The following SDHA variants were observed in gnomAD, a reference collection of about 807,000 sequenced individuals.
SDHA encodes succinate dehydrogenase complex flavoprotein subunit A.
In SDHA, 48 loss-of-function variants were observed where a neutral mutation model predicts 78.4. That is an observed-to-expected ratio of 0.61 (90% CI 0.49 to 0.78). The LOEUF (loss-of-function observed/expected upper bound fraction) is 0.78. SDHA is among the 30% of genes least tolerant of loss of function. The probability of loss-of-function intolerance (pLI) is 0.00; values close to 1 mark genes in which losing one functional copy is unlikely to be tolerated. For synonymous variants in SDHA, 326 were observed against 353.9 expected (o/e 0.92, Z 0.88); for missense variants, 680 against 892.7 (o/e 0.76, Z 3.04).
chr5:230,713 C>T (rs10074958), intron 6 of SDHA, among the ~76,000 whole-genome samples, 163 bp from the exon 7 acceptor site: 36,457 of 152,040 alleles, frequency 0.24, 6,790 homozygotes, highest in African/African-American at 0.52. Flanking sequence ...ACCAGTGGCG[C>T]GGCCCCTAGT....
chr5:244,563 C>T (rs1465466029), intron 11 of SDHA, among the ~76,000 whole-genome samples: 3 of 152,144 alleles, frequency 2.0e-5, no homozygotes, highest in African/African-American at 7.2e-5. Flanking sequence ...TACTGATAAA[C>T]GTCCTACCTG....
intron 11 of SDHA, among the ~76,000 whole-genome samples, chr5:244,758 A>G (rs750649105): frequency 9.9e-5 from 15 of 152,216 alleles, no homozygotes; most frequent in South Asian, 2.1e-4. Context: ...GAAGGGCCCA[A>G]TGGACAACCT....
the SDHA span, among the ~76,000 whole-genome samples, chr5:267,193 C>T: frequency 1.3e-5 from 2 of 152,214 alleles, no homozygotes; most frequent in Non-Finnish European, 2.9e-5. Flanking sequence ...GTCTTCCTTA[C>T]TGAATTCTAG....
intron 10 of SDHA, among the ~76,000 whole-genome samples, chr5:236,825 T>A (rs567698319): frequency 5.3e-5 from 8 of 151,504 alleles, no homozygotes; most frequent in Middle Eastern, 3.4e-3. Context: ...TTTAAAAAAA[T>A]TTATTTTGTA....
chr5:225,694 T>G (rs1437931490), intron 4 of SDHA, 132 bp downstream of exon 4: 15 of 1,402,446 alleles, frequency 1.1e-5, no homozygotes, highest in Non-Finnish European at 3.0e-6. Flanking sequence ...ACAAGAAGAG[T>G]CTTTTTCCGT....
chr5:251,603 T>C (rs1021426670), intron 13 of SDHA, 135 bp downstream of exon 13: 1 of 1,545,308 alleles, frequency 6.5e-7, no homozygotes. Flanking sequence ...TTTTCCCCCC[T>C]GGTAACTTTG....
At chr5:245,764 A>T (rs1736402962) in intron 11 of SDHA, among the ~76,000 whole-genome samples, 1 of 152,206 alleles carries the variant, frequency 6.6e-6, no homozygotes. Context: ...ATTAAATGAG[A>T]CTTTCAAAAA....
intron 10 of SDHA, among the ~76,000 whole-genome samples, chr5:239,224 T>TAAA (rs112333017): frequency 5.3e-5 from 8 of 151,182 alleles, no homozygotes; most frequent in Non-Finnish European, 1.0e-4. Context: ...TATAACGTTA[T>TAAA]AAAAAAAACT....
intron 7 of SDHA, among the ~76,000 whole-genome samples, chr5:231,504 G>C (rs1260145132): frequency 6.7e-6 from 1 of 150,362 alleles, no homozygotes; most frequent in Non-Finnish European, 1.5e-5. Context: ...AGGTTGCAGT[G>C]AGCCGAGATC....
chr5:263,310 G>A, the SDHA span, among the ~76,000 whole-genome samples: 1 of 151,980 alleles, frequency 6.6e-6, no homozygotes, highest in Non-Finnish European at 1.5e-5. Flanking sequence ...TTTTGGCAGT[G>A]CACAGCCAGA....
chr5:263,469 A>G, the SDHA span, among the ~76,000 whole-genome samples: 969 of 152,294 alleles, frequency 6.4e-3, 13 homozygotes, highest in African/African-American at 0.023. Flanking sequence ...AAAAGTGCAT[A>G]CTGTGTACAG....
chr5:232,369 C>A (rs1735461331), intron 7 of SDHA, among the ~76,000 whole-genome samples: 1 of 152,102 alleles, frequency 6.6e-6, no homozygotes, highest in Admixed American at 6.6e-5. Flanking sequence ...TGTTACCATG[C>A]CCAGCTAATT....
chr5:218,793 C>A (rs1341961422), intron 1 of SDHA, among the ~76,000 whole-genome samples: 1 of 152,198 alleles, frequency 6.6e-6, no homozygotes, highest in Non-Finnish European at 1.5e-5. Flanking sequence ...CAAGGTCACC[C>A]GGGCGGATAG....
intron 4 of SDHA, 87 bp from the exon 5 acceptor site, chr5:225,796 G>T (rs1280343884): frequency 7.8e-6 from 12 of 1,545,728 alleles, no homozygotes; most frequent in Non-Finnish European, 9.8e-6. Context: ...TTGCAGATTT[G>T]TGTTAAACTT....
At chr5:265,134 AG>A in the SDHA span, among the ~76,000 whole-genome samples, 1 of 152,180 alleles carries the variant, frequency 6.6e-6, no homozygotes, top group Non-Finnish European at 1.5e-5. Flanking sequence ...TTGAACCAGG[AG>A]GCGGAGGTTG....
chr5:225,293 C>T, intron 3 of SDHA, 126 bp from the exon 4 acceptor site: 1 of 1,223,122 alleles, frequency 8.2e-7, no homozygotes. Context: ...CTGAGGTCAG[C>T]CCTCACTGGG....
chr5:240,301 C>T, intron 10 of SDHA, 57 bp from the exon 11 acceptor site: 19 of 1,066,428 alleles, frequency 1.8e-5, no homozygotes, highest in Middle Eastern at 2.6e-4. Context: ...ATTCTAAATC[C>T]ATTTGGTTTT....
chr5:228,297 A>G lies in SDHA; in HGVS notation c.734A>G (p.His245Arg), dbSNP rs1579391515. Reference protein sequence around the residue: ...IALCIEDGSIHRIRAKNTVVA... With the variant: ...IALCIEDGSIRRIRAKNTVVA... The stretch of plus-strand genomic sequence containing the variant: ...CTGTGCATAGAGGACGGGTCCATCC[A>G]TCGCATAAGAGCAAAGAACACTGTT... Residue 245 changes from histidine to arginine, a missense_variant, in exon 6 of 15, where the codon CAT (histidine) becomes CGT (arginine). His to Arg is a conservative substitution (Grantham distance 29). Coordinates refer to ENST00000264932, the MANE Select transcript of SDHA (RefSeq NM_004168.4). The G allele has an allele frequency of 1.2e-6, 2 of 1,614,028 alleles. No individual in the cohort carries two copies. The highest frequency in any genetic ancestry group is 1.7e-6 in the Non-Finnish European group (2 of 1,179,882).
intron 2 of SDHA, 114 bp from the exon 3 acceptor site, chr5:224,246 C>G: frequency 8.8e-7 from 1 of 1,138,294 alleles, no homozygotes; most frequent in East Asian, 2.3e-5. Context: ...GATGGAGGCC[C>G]TGTGTGCCCA....
Sources: allele counts gnomAD v4.1 joint callset (sites outside exome capture counted in the v4.1 genomes callset), GRCh38; gene constraint gnomAD v4.1.1; transcripts MANE v1.5; gene names NCBI Gene and HGNC (gene_info 2026-07-23, HGNC 2026-07-21).